Variants in SNTB1 observed in about 807,000 individuals in gnomAD.
The protein encoded by SNTB1 is syntrophin beta 1.
A neutral mutation model predicts 48.9 loss-of-function variants in SNTB1; 36 were observed. That is an observed-to-expected ratio of 0.74 (90% CI 0.56 to 0.97). The LOEUF (loss-of-function observed/expected upper bound fraction) is 0.97, where lower values mean the gene tolerates loss of function less well. Ranked by LOEUF, SNTB1 falls within the 50% of genes least tolerant of loss-of-function variation. The pLI is 0.00. For synonymous variants in SNTB1, 299 were observed against 294.6 expected (o/e 1.01, Z -0.15); for missense variants, 786 against 703.4 (o/e 1.12, Z -1.33).
At chr8:120,574,988 G>T in intron 4 of SNTB1, 98 bp downstream of exon 4, 1 of 1,465,770 alleles carries the variant, frequency 6.8e-7, no homozygotes, top group Non-Finnish European at 9.5e-7. Flanking sequence ...AGCCCCTGCT[G>T]CAATAGTGAG....
chr8:120,721,839 C>T (rs192375154), intron 1 of SNTB1, among the ~76,000 whole-genome samples: 7 of 152,138 alleles, frequency 4.6e-5, no homozygotes, highest in Non-Finnish European at 8.8e-5. Flanking sequence ...CTGCACCCAT[C>T]GACCCGTCAT....
chr8:120,549,013 G>A (rs1815433862), intron 4 of SNTB1, 55 bp from the exon 5 acceptor site: 1 of 1,423,926 alleles, frequency 7.0e-7, no homozygotes, highest in Non-Finnish European at 9.5e-7. Context: ...TATTCACCTG[G>A]CATATCACCT....
intron 1 of SNTB1, among the ~76,000 whole-genome samples, chr8:120,755,887 T>C (rs1162800297): frequency 6.6e-6 from 1 of 152,160 alleles, no homozygotes; most frequent in African/African-American, 2.4e-5. Flanking sequence ...AGATAAAGGA[T>C]AAGAAGTCTC....
chr8:120,559,424 A>T (rs1220679728), intron 4 of SNTB1, among the ~76,000 whole-genome samples: 2 of 152,358 alleles, frequency 1.3e-5, no homozygotes, highest in Non-Finnish European at 2.9e-5. Context: ...AAGCAAGATA[A>T]AAATAATTTA....
chr8:120,799,147 C>T (rs1022798292), intron 1 of SNTB1, among the ~76,000 whole-genome samples: 8 of 151,932 alleles, frequency 5.3e-5, no homozygotes, highest in African/African-American at 1.7e-4. Flanking sequence ...ACTAACAGTA[C>T]GGCCTTTATT....
intron 3 of SNTB1, among the ~76,000 whole-genome samples, chr8:120,610,356 C>T (rs908221394): frequency 2.0e-5 from 3 of 152,134 alleles, no homozygotes; most frequent in Non-Finnish European, 1.5e-5. Flanking sequence ...AGTCTGGTCT[C>T]GAACTCCTGA....
chr8:120,553,416 A>C (rs1289279096), intron 4 of SNTB1, among the ~76,000 whole-genome samples: 1 of 152,204 alleles, frequency 6.6e-6, no homozygotes, highest in African/African-American at 2.4e-5. Context: ...TTGTCTTTTC[A>C]CTACCTGGTG....
At chr8:120,584,166 G>A (rs569945740) in intron 3 of SNTB1, among the ~76,000 whole-genome samples, 17 of 151,994 alleles carry the variant, frequency 1.1e-4, no homozygotes, top group African/African-American at 3.6e-4. Flanking sequence ...ATTAGGGCAC[G>A]CACGGTGGCT....
chr8:120,594,437 C>T (rs556335392), intron 3 of SNTB1, among the ~76,000 whole-genome samples: 1 of 152,268 alleles, frequency 6.6e-6, no homozygotes, highest in East Asian at 1.9e-4. Context: ...GGAGTTTCAC[C>T]ATGTTGGCCA....
At chr8:120,685,021 G>A (rs1185978522) in intron 2 of SNTB1, among the ~76,000 whole-genome samples, 1 of 152,222 alleles carries the variant, frequency 6.6e-6, no homozygotes, top group Non-Finnish European at 1.5e-5. Context: ...CAGACACACT[G>A]GGATGGGGGT....
At position 120,811,876 on chromosome 8, in the gene SNTB1, GA is replaced by G; in HGVS notation, c.-34del. 5.3e-6 allele frequency: 7 copies of G among 1,311,090 alleles called. No individual in the cohort carries two copies. The highest frequency in any genetic ancestry group is 6.8e-6 in the Non-Finnish European group (7 of 1,032,752). 81.2% of individuals were successfully genotyped at this position (1,311,090 alleles called of 1,614,324 possible). A position where few individuals can be genotyped will look rare whatever the true frequency, so the allele number is the denominator to read the frequency against. ...GCATTCTTAAAATGCCATGTGATTGGAAAAGGGGGGAAAAGTGGGGAAGGGT... is the reference window on the plus strand; with the variant it reads ...GCATTCTTAAAATGCCATGTGATTGGAAAGGGGGGAAAAGTGGGGAAGGGT... On this transcript the variant is annotated 5_prime_UTR_variant, in exon 1 of 7. Coordinates refer to ENST00000517992, the MANE Select transcript of SNTB1 (RefSeq NM_021021.4).
At chr8:120,732,705 G>A (rs1372096882) in intron 1 of SNTB1, among the ~76,000 whole-genome samples, 1 of 152,130 alleles carries the variant, frequency 6.6e-6, no homozygotes, top group Non-Finnish European at 1.5e-5. Flanking sequence ...ATTTAGCTGG[G>A]CATGTTGGCG....
chr8:120,551,187 G>A (rs1006325407), intron 4 of SNTB1, among the ~76,000 whole-genome samples: 5 of 150,912 alleles, frequency 3.3e-5, no homozygotes, highest in African/African-American at 1.2e-4. Context: ...CCTGGGAGGC[G>A]GAGGTTGCAG....
Position 120,782,709 on chromosome 8 carries a change from C to T in SNTB1, c.571+28564G>A, listed in dbSNP as rs139537278. 5.1e-3 allele frequency among the ~76,000 whole-genome samples: 771 copies of T among 152,126 alleles called. 8 individuals carry two copies. The highest frequency in any genetic ancestry group is 0.018 in the African/African-American group (743 of 41,510). On this transcript the variant is annotated intron_variant, in intron 1 of 6. Transcript: ENST00000517992. ...TAAAAACATTCACCTAACAGATACA[C>T]GAAAAAGTTCTACCCTCAAGTGGAT...
intron 1 of SNTB1, among the ~76,000 whole-genome samples, chr8:120,793,125 G>A (rs148616922): frequency 1.3e-5 from 2 of 151,668 alleles, no homozygotes; most frequent in African/African-American, 4.9e-5. Flanking sequence ...CAACTGGGAT[G>A]GAATGAGTTA....
At chr8:120,729,096 A>C (rs1818810882) in intron 1 of SNTB1, among the ~76,000 whole-genome samples, 2 of 151,610 alleles carry the variant, frequency 1.3e-5, no homozygotes, top group South Asian at 4.2e-4. Context: ...CTCCCACCTC[A>C]GCCTTACAAG....
intron 3 of SNTB1, among the ~76,000 whole-genome samples, chr8:120,586,192 T>A (rs1476564294): frequency 2.0e-5 from 3 of 152,250 alleles, no homozygotes; most frequent in Non-Finnish European, 1.5e-5. Flanking sequence ...CAAGAATGAT[T>A]GTGGGCATGG....
rs142596448 is a variant in SNTB1, at chr8:120,761,001, G to A, written c.571+50272C>T. On this transcript the variant is annotated intron_variant, in intron 1 of 6. Transcript: ENST00000517992. ...TTTCTTAAAACTATAAAGAACACAC[G>A]CAAAAGTTAAGCAGTCCGACAGAAA... 9.2e-5 allele frequency among the ~76,000 whole-genome samples: 14 copies of A among 152,094 alleles called. No individual in the cohort carries two copies. In the East Asian group the frequency reaches 1.9e-3, roughly 21 times the overall value.
intron 1 of SNTB1, among the ~76,000 whole-genome samples, chr8:120,732,172 G>A (rs946155452): frequency 7.5e-4 from 114 of 152,116 alleles, no homozygotes; most frequent in African/African-American, 2.6e-3. Context: ...TATGACTTGC[G>A]GGTAAATCGG....
Sources: allele counts gnomAD v4.1 joint callset (sites outside exome capture counted in the v4.1 genomes callset), GRCh38; gene constraint gnomAD v4.1.1; transcripts MANE v1.5; gene names NCBI Gene and HGNC (gene_info 2026-07-23, HGNC 2026-07-21).